JAKMIP1: variants seen among roughly 807,000 people sequenced by gnomAD.
JAKMIP1 encodes janus kinase and microtubule interacting protein 1.
In JAKMIP1, 33 loss-of-function variants were observed where a neutral mutation model predicts 113.0. The ratio of observed to expected loss-of-function variants is 0.29; its 90% CI spans 0.22 to 0.39. The LOEUF is 0.39. Ranked by LOEUF, JAKMIP1 falls within the 10% of genes least tolerant of loss-of-function variation. JAKMIP1 has a pLI of 1.00. For missense variants in JAKMIP1, 813 were observed against 1,080.5 expected, an observed-to-expected ratio of 0.75 and a Z score of 3.47; for synonymous variants, 480 against 459.9, an observed-to-expected ratio of 1.04 and a Z score of -0.56.
rs995364938 is a variant in JAKMIP1 at position 6,040,124 on chromosome 4, G to T, written c.2175+515C>A. 4.6e-5 allele frequency among the ~76,000 whole-genome samples: 7 copies of T among 152,198 alleles called. No individual in the cohort carries two copies. Among genetic ancestry groups the T allele is most frequent in the African/African-American group, 1.4e-4 (6 of 41,442 alleles). On this transcript the variant is annotated intron_variant, in intron 18 of 20. Coordinates refer to ENST00000409021, the MANE Select transcript of JAKMIP1 (RefSeq NM_001099433.2). This position sits in a 1 kb window ranked among gnomAD's most constrained non-coding sequence, Gnocchi z 5.8. ...TAGCTTTGAGTGTGAGGACACAGGA[G>T]TTTGAACATCATCCCACTGTATTTT...
In JAKMIP1 at chr4:6,036,044, C is replaced by G. The variant is rs774733621; in HGVS notation, c.2239G>C (p.Gly747Arg). The change falls in exon 19 of 21, where the codon GGT becomes CGT. Residue 747 changes from glycine (G) to arginine (R), a missense_variant. Physicochemically the swap from Gly to Arg is moderately radical, Grantham distance 125. This residue lies in a region of JAKMIP1 where 273 missense variants were observed against 426.6 expected (regional missense o/e 0.64). Coordinates refer to ENST00000409021, the MANE Select transcript of JAKMIP1 (RefSeq NM_001099433.2). ...CGCTGGCCCTCGCTCAGCGCCTCAC[C>G]GGCCCTCCGCCCCGGCTCCTGCTGC... The part of the protein sequence containing the change: ...ALQQEPGRRA[G>R]EALSEGQRED... The G allele has an allele frequency of 3.9e-6, 6 of 1,555,406 alleles. No individual in the cohort carries two copies. The highest frequency in any genetic ancestry group is 2.4e-5 in the East Asian group (1 of 41,348).
chr4:6,197,393 T>C lies in JAKMIP1; in HGVS notation c.-148+2860A>G, dbSNP rs1240119167. Among the ~76,000 whole-genome samples, 1 of 152,170 alleles carries C rather than the reference T, an allele frequency of 6.6e-6. No individual in the cohort carries two copies. Among genetic ancestry groups the C allele is most frequent in the East Asian group, 1.9e-4 (1 of 5,200 alleles). On this transcript the variant is annotated intron_variant, in intron 1 of 20. Transcript: ENST00000409021. This position sits in a 1 kb window ranked among gnomAD's most constrained non-coding sequence, Gnocchi z 6.5. ...AAGGCTAAATGAATAAATATTCTCATAGCTTCTTCACCATCATCACCCCTC... is the reference window on the plus strand; with the variant it reads ...AAGGCTAAATGAATAAATATTCTCACAGCTTCTTCACCATCATCACCCCTC...
rs1360592243 is a variant in JAKMIP1 at position 6,105,704 on chromosome 4, C to A, written c.393G>T (p.Ala131=). The A allele has an allele frequency of 6.2e-7, 1 of 1,602,048 alleles. No homozygotes were observed. The highest frequency in any genetic ancestry group is 8.5e-7 in the Non-Finnish European group (1 of 1,177,622). ...CCTCCTCGCGCGCCTCGGTCAGCAG[C>A]GCCGTCTTGACCTTGTCGGCCGCGC... ...RDGAADKVKT[A]LLTEAREEAR... The change falls in exon 3 of 21, where the codon GCG becomes GCT. Residue 131 remains alanine, a synonymous_variant. Coordinates refer to ENST00000409021, the MANE Select transcript of JAKMIP1 (RefSeq NM_001099433.2).
intron 12 of JAKMIP1, chr4:6,054,628 AAGAAGCCGTAAAGGCAGG>A: frequency 2.5e-6 from 1 of 406,372 alleles, no homozygotes; most frequent in South Asian, 1.8e-5. Flanking sequence ...GAGCTTGCAG[AAGAAGCCGTAAAGGCAGG>A]AGTTCTCTGA....
intron 1 of JAKMIP1, among the ~76,000 whole-genome samples, chr4:6,146,426 T>C (rs555449679): frequency 5.3e-5 from 8 of 152,196 alleles, no homozygotes; most frequent in African/African-American, 1.9e-4. Context: ...CAAGTAGTAG[T>C]TGGGACTACA....
chr4:6,046,897 C>G (rs1715070778), intron 16 of JAKMIP1, among the ~76,000 whole-genome samples: 1 of 152,164 alleles, frequency 6.6e-6, no homozygotes, highest in Non-Finnish European at 1.5e-5. Flanking sequence ...CGCCCTGGCC[C>G]TCCAACACCC....
At chr4:6,111,721 C>A (rs1334007494) in intron 2 of JAKMIP1, among the ~76,000 whole-genome samples, 1 of 152,190 alleles carries the variant, frequency 6.6e-6, no homozygotes. Flanking sequence ...TTTAATTAGA[C>A]TGCCAGCACC....
At chr4:6,048,691 G>A (rs1159206693) in intron 16 of JAKMIP1, among the ~76,000 whole-genome samples, 166 bp downstream of exon 16, 2 of 152,260 alleles carry the variant, frequency 1.3e-5, no homozygotes, top group African/African-American at 4.8e-5. Flanking sequence ...GTGAGCATGT[G>A]GGACTTCCGT....
chr4:6,154,462 T>G lies in JAKMIP1; in HGVS notation c.-147-41465A>C, dbSNP rs1721987551. On this transcript the variant is annotated intron_variant, in intron 1 of 20. Coordinates refer to ENST00000409021, the MANE Select transcript of JAKMIP1 (RefSeq NM_001099433.2). This position sits in a 1 kb window ranked among gnomAD's most constrained non-coding sequence, Gnocchi z 4.2. ...GAACAGAAGCCTTTAGTTCCCTGAG[T>G]GATTGGACAAGGAATTTGTCAGATG... Among the ~76,000 whole-genome samples the G allele has an allele frequency of 1.4e-5, 2 of 146,408 alleles. No individual in the cohort carries two copies. Among genetic ancestry groups the G allele is most frequent in the African/African-American group, 5.1e-5 (2 of 39,310 alleles).
At position 6,040,921 on chromosome 4, in the gene JAKMIP1, G is replaced by A. The variant is rs57275787; in HGVS notation, c.2098-205C>T. On this transcript the variant is annotated intron_variant, in intron 17 of 20. Transcript: ENST00000409021. This position sits in a 1 kb window ranked among gnomAD's most constrained non-coding sequence, Gnocchi z 5.8. ...TGGGGCACCCTTGACAGCCACACCT[G>A]GATCCTTGGTGAAGACTATCCCATT... 0.035 allele frequency among the ~76,000 whole-genome samples: 5,402 copies of A among 152,182 alleles called. 130 individuals carry two copies. Among genetic ancestry groups the A allele is most frequent in the South Asian group, 0.069 (332 of 4,810 alleles).
rs1718250323 is a variant in JAKMIP1, at chr4:6,067,375, G to C, written c.1303-2367C>G. On this transcript the variant is annotated intron_variant, in intron 8 of 20. Transcript: ENST00000409021. The surrounding 1 kb of genome is among the most constrained non-coding windows in gnomAD (Gnocchi z 4.6). The stretch of plus-strand genomic sequence containing the variant: ...ATGCCCCAGATGAGTCTCATTGGCA[G>C]GTACGTGAAGACTATGGGCACCATC... 1.3e-5 allele frequency among the ~76,000 whole-genome samples: 2 copies of C among 152,158 alleles called. No homozygotes were observed. The highest frequency in any genetic ancestry group is 2.9e-5 in the Non-Finnish European group (2 of 68,028).
chr4:6,084,242 G>C (rs533419818), intron 5 of JAKMIP1, among the ~76,000 whole-genome samples: 4 of 151,744 alleles, frequency 2.6e-5, no homozygotes, highest in Non-Finnish European at 5.9e-5. Flanking sequence ...GCTTGAACCC[G>C]GGAGGTGAAG....
chr4:6,146,817 A>T (rs1720917335), intron 1 of JAKMIP1, among the ~76,000 whole-genome samples: 1 of 152,212 alleles, frequency 6.6e-6, no homozygotes, highest in Non-Finnish European at 1.5e-5. Flanking sequence ...CTTGGGTCTG[A>T]ACTCCAAAGT....
intron 1 of JAKMIP1, among the ~76,000 whole-genome samples, chr4:6,152,540 C>T (rs181348701): frequency 6.6e-6 from 1 of 152,206 alleles, no homozygotes; most frequent in Non-Finnish European, 1.5e-5. Context: ...ATCCTGATGC[C>T]GGGGAATATT....
Position 6,179,195 on chromosome 4 carries a change from C to A in JAKMIP1, c.-148+21058G>T, listed in dbSNP as rs1180688823. Among the ~76,000 whole-genome samples, 4 of 152,200 alleles carry A rather than the reference C, an allele frequency of 2.6e-5. No homozygotes were observed. Among genetic ancestry groups the A allele is most frequent in the Non-Finnish European group, 5.9e-5 (4 of 68,034 alleles). On this transcript the variant is annotated intron_variant, in intron 1 of 20. Coordinates refer to ENST00000409021, the MANE Select transcript of JAKMIP1 (RefSeq NM_001099433.2). This position sits in a 1 kb window ranked among gnomAD's most constrained non-coding sequence, Gnocchi z 4.5. The stretch of plus-strand genomic sequence containing the variant: ...GCCACCTTTGCTGAAACCACCTGGG[C>A]AGCCCTATGTGGCTGGAGAGAGGGT...
rs1433698169 is a variant in JAKMIP1, at chr4:6,061,357, T to C, written c.1561-850A>G. ...CCCTGCTGACCTCACTCCCCCTTAC[T>C]CCTGGCTCCCCGCTACAGGGCCACT... On this transcript the variant is annotated intron_variant, in intron 10 of 20. Coordinates refer to ENST00000409021, the MANE Select transcript of JAKMIP1 (RefSeq NM_001099433.2). The surrounding 1 kb of genome is among the most constrained non-coding windows in gnomAD (Gnocchi z 5.3). 6.6e-6 allele frequency among the ~76,000 whole-genome samples: 1 copy of C among 152,160 alleles called. No homozygotes were observed. The highest frequency in any genetic ancestry group is 1.5e-5 in the Non-Finnish European group (1 of 68,026).
rs1335420256 is a variant in JAKMIP1 at position 6,059,256 on chromosome 4, G to A, written c.1644+1168C>T. Among the ~76,000 whole-genome samples, 1 of 152,202 alleles carries A rather than the reference G, an allele frequency of 6.6e-6. No individual in the cohort carries two copies. The highest frequency in any genetic ancestry group is 1.5e-5 in the Non-Finnish European group (1 of 68,038). ...TGCTGTGGTGACCTGCTCTGTGCCA[G>A]GCATGCATGCTGGTCGCTGGCCGTC... On this transcript the variant is annotated intron_variant, in intron 11 of 20. Transcript: ENST00000409021. This position sits in a 1 kb window ranked among gnomAD's most constrained non-coding sequence, Gnocchi z 4.8.
At position 6,129,725 on chromosome 4, in the gene JAKMIP1, A is replaced by G. The variant is rs900225682; in HGVS notation, c.-147-16728T>C. Among the ~76,000 whole-genome samples the G allele has an allele frequency of 5.9e-5, 9 of 152,208 alleles. No homozygotes were observed. The highest frequency in any genetic ancestry group is 1.9e-4 in the African/African-American group (8 of 41,454). On this transcript the variant is annotated intron_variant, in intron 1 of 20. Coordinates refer to ENST00000409021, the MANE Select transcript of JAKMIP1 (RefSeq NM_001099433.2). This position sits in a 1 kb window ranked among gnomAD's most constrained non-coding sequence, Gnocchi z 5.4. ...TGTAAATATGACCAAAGAGGTTATG[A>G]TGAGATTTCTCCATGAAGCACAACT...
At chr4:6,111,192 G>A (rs554603613) in intron 2 of JAKMIP1, among the ~76,000 whole-genome samples, 9 of 152,240 alleles carry the variant, frequency 5.9e-5, no homozygotes, top group East Asian at 3.9e-4. Flanking sequence ...CTCCATTGGC[G>A]ACCTGAGTCC....
Sources: allele counts gnomAD v4.1 joint callset (sites outside exome capture counted in the v4.1 genomes callset), GRCh38; gene constraint gnomAD v4.1.1; regional missense constraint gnomAD v4.1.1; non-coding constraint Gnocchi (gnomAD v3.1); transcripts MANE v1.5; gene names NCBI Gene and HGNC (gene_info 2026-07-23, HGNC 2026-07-21).